The following SVEP1 variants were observed in gnomAD, a reference collection of about 807,000 sequenced individuals.
The protein encoded by SVEP1 is sushi, von Willebrand factor type A, EGF and pentraxin domain containing 1, also known as sushi, von Willebrand factor type A, EGF and pentraxin domain-containing protein 1.
A neutral mutation model predicts 367.3 loss-of-function variants in SVEP1; 164 were observed. That is an observed-to-expected ratio of 0.45 (90% CI 0.39 to 0.51). SVEP1 has a LOEUF of 0.51. SVEP1 is among the 20% of genes least tolerant of loss of function. The pLI is 0.00. For missense variants in SVEP1, 4,117 were observed against 4,425.3 expected, an observed-to-expected ratio of 0.93 and a Z score of 1.98; for synonymous variants, 1,666 against 1,611.6, an observed-to-expected ratio of 1.03 and a Z score of -0.81.
intron 28 of SVEP1, among the ~76,000 whole-genome samples, chr9:110,435,859 A>G (rs1828423057): frequency 6.6e-6 from 1 of 152,220 alleles, no homozygotes. Context: ...AGTTCTATTT[A>G]TCTTTTATAG....
chr9:110,369,157 G>C (rs1161575275), intron 47 of SVEP1, among the ~76,000 whole-genome samples: 2 of 152,048 alleles, frequency 1.3e-5, no homozygotes, highest in African/African-American at 4.8e-5. Context: ...ACATTGGTGA[G>C]GACAATGTTT....
chr9:110,568,991 T>C (rs547172111), intron 1 of SVEP1, among the ~76,000 whole-genome samples: 1 of 152,094 alleles, frequency 6.6e-6, no homozygotes, highest in African/African-American at 2.4e-5. Flanking sequence ...CCCTGCTACT[T>C]AGGAGGCTGA....
intron 1 of SVEP1, among the ~76,000 whole-genome samples, chr9:110,560,150 A>C (rs558422387): frequency 6.6e-6 from 1 of 152,284 alleles, no homozygotes; most frequent in East Asian, 1.9e-4. Context: ...AGCTATGTTG[A>C]AATACACAAA....
At chr9:110,553,808 TGG>T (rs1294136899) in intron 1 of SVEP1, among the ~76,000 whole-genome samples, 2 of 152,076 alleles carry the variant, frequency 1.3e-5, no homozygotes, top group African/African-American at 4.8e-5. Flanking sequence ...CACTAAGGAG[TGG>T]CCCATCGTGC....
intron 40 of SVEP1, among the ~76,000 whole-genome samples, chr9:110,399,586 T>C (rs1827825056): frequency 6.6e-6 from 1 of 152,120 alleles, no homozygotes; most frequent in African/African-American, 2.4e-5. Context: ...CAGGCTGGAG[T>C]GCAATGGTGC....
chr9:110,406,737 G>T lies in SVEP1; in HGVS notation c.8863C>A (p.Leu2955Ile). The T allele has an allele frequency of 6.2e-7, 1 of 1,614,028 alleles. No homozygotes were observed. Among genetic ancestry groups the T allele is most frequent in the Non-Finnish European group, 8.5e-7 (1 of 1,179,892 alleles). ...KPVNCGPPED[L>I]AHGFPNGFSF... is the part of the protein sequence containing the mutation. Reference sequence around the variant, plus strand: ...AAACCATTAGGGAAACCATGGGCAAGATCTTCAGGAGGTCCACAGTTGACT... The same window carrying T: ...AAACCATTAGGGAAACCATGGGCAATATCTTCAGGAGGTCCACAGTTGACT... The change falls in exon 38 of 48, where the codon CTT becomes ATT. Residue 2955 changes from leucine (L) to isoleucine (I), a missense_variant. Physicochemically the swap from Leu to Ile is conservative, Grantham distance 5. Transcript: ENST00000374469.
intron 36 of SVEP1, among the ~76,000 whole-genome samples, chr9:110,426,731 A>C (rs1440679192): frequency 2.0e-5 from 3 of 152,128 alleles, no homozygotes; most frequent in African/African-American, 7.2e-5. Flanking sequence ...GAGACCCTAA[A>C]CTGATCATCC....
chr9:110,517,775 A>C (rs1247927167), intron 3 of SVEP1, among the ~76,000 whole-genome samples: 3 of 146,200 alleles, frequency 2.1e-5, no homozygotes, highest in Non-Finnish European at 3.0e-5. Context: ...AAAAAAAAAA[A>C]AGCCATACTT....
chr9:110,524,606 A>C (rs1829918523), intron 3 of SVEP1, among the ~76,000 whole-genome samples: 1 of 152,178 alleles, frequency 6.6e-6, no homozygotes, highest in Non-Finnish European at 1.5e-5. Flanking sequence ...CTGCAAACAA[A>C]ATTGTCACCA....
chr9:110,548,617 A>G (rs867589973), intron 2 of SVEP1, among the ~76,000 whole-genome samples: 1 of 152,208 alleles, frequency 6.6e-6, no homozygotes, highest in Non-Finnish European at 1.5e-5. Flanking sequence ...TTAAATCCAG[A>G]CATTCTGGAT....
At chr9:110,534,056 C>T (rs902581648) in intron 3 of SVEP1, among the ~76,000 whole-genome samples, 5 of 152,058 alleles carry the variant, frequency 3.3e-5, no homozygotes, top group Non-Finnish European at 5.9e-5. Context: ...TTCAGGGGTA[C>T]ATGTGCAGGT....
intron 39 of SVEP1, 104 bp downstream of exon 39, chr9:110,404,223 C>A: frequency 1.7e-6 from 2 of 1,152,550 alleles, no homozygotes; most frequent in Admixed American, 2.3e-5. Context: ...TGAGTGAAAA[C>A]TTCAGACTTT....
At chr9:110,413,301 A>G (rs1446169244) in intron 36 of SVEP1, among the ~76,000 whole-genome samples, 1 of 149,326 alleles carries the variant, frequency 6.7e-6, no homozygotes, top group African/African-American at 2.5e-5. Flanking sequence ...ACAAAAAACC[A>G]AACACCGCAT....
intron 22 of SVEP1, among the ~76,000 whole-genome samples, chr9:110,452,797 G>A (rs1314659437): frequency 6.6e-6 from 1 of 152,154 alleles, no homozygotes; most frequent in Non-Finnish European, 1.5e-5. Flanking sequence ...GATAGAGTAT[G>A]CTATCACTTT....
intron 39 of SVEP1, among the ~76,000 whole-genome samples, chr9:110,403,809 T>C (rs1324928576): frequency 6.6e-6 from 1 of 152,000 alleles, no homozygotes; most frequent in Non-Finnish European, 1.5e-5. Context: ...CTCCATTATT[T>C]ATCTCATTTC....
At chr9:110,554,503 G>C (rs2118860325) in intron 1 of SVEP1, among the ~76,000 whole-genome samples, 1 of 152,176 alleles carries the variant, frequency 6.6e-6, no homozygotes, top group African/African-American at 2.4e-5. Flanking sequence ...TTGATTTTAG[G>C]TCTATGGCAT....
chr9:110,510,415 C>G (rs1224659080), intron 5 of SVEP1, among the ~76,000 whole-genome samples: 1 of 152,144 alleles, frequency 6.6e-6, no homozygotes, highest in Non-Finnish European at 1.5e-5. Context: ...TTGACTGACC[C>G]TGACACATAG....
At chr9:110,401,927 C>A (rs1827869159) in intron 39 of SVEP1, among the ~76,000 whole-genome samples, 1 of 151,956 alleles carries the variant, frequency 6.6e-6, no homozygotes, top group Non-Finnish European at 1.5e-5. Context: ...GCGGCTAAAC[C>A]CTCATTCTAC....
chr9:110,497,567 TGACTGTGACAG>T (rs1176559091), intron 7 of SVEP1, among the ~76,000 whole-genome samples: 7 of 152,370 alleles, frequency 4.6e-5, no homozygotes, highest in Admixed American at 3.9e-4. Context: ...TAAAAAATGT[TGACTGTGACAG>T]GAAGAAACTA....
Sources: allele counts gnomAD v4.1 joint callset (sites outside exome capture counted in the v4.1 genomes callset), GRCh38; gene constraint gnomAD v4.1.1; transcripts MANE v1.5; gene names NCBI Gene and HGNC (gene_info 2026-07-23, HGNC 2026-07-21).